Variants in BMAL2 observed in about 807,000 individuals in gnomAD.
The protein encoded by BMAL2 is basic helix-loop-helix ARNT like 2, also known as basic helix-loop-helix ARNT-like protein 2.
At chr12:27,334,252 A>G in the BMAL2 span, among the ~76,000 whole-genome samples, 674 of 152,288 alleles carry the variant, frequency 4.4e-3, 5 homozygotes, top group African/African-American at 0.015. Flanking sequence ...CCGTCTTGTG[A>G]CTGAGCTCTG....
chr12:27,370,336 C>A, the BMAL2 span: 1 of 787,706 alleles, frequency 1.3e-6, no homozygotes. Context: ...ATCATCTATC[C>A]CAGAGCTTCT....
At chr12:27,358,720 T>G in the BMAL2 span, among the ~76,000 whole-genome samples, 8 of 152,138 alleles carry the variant, frequency 5.3e-5, no homozygotes, top group African/African-American at 1.9e-4. Context: ...TCATTCTGTA[T>G]TTGGTTAATA....
At chr12:27,402,766 AT>A in the BMAL2 span, 1 of 1,228,114 alleles carries the variant, frequency 8.1e-7, no homozygotes, top group Non-Finnish European at 1.1e-6. Context: ...AGAGGGGAAA[AT>A]TTGAAGGTGA....
At chr12:27,363,445 A>G in the BMAL2 span, among the ~76,000 whole-genome samples, 1 of 152,228 alleles carries the variant, frequency 6.6e-6, no homozygotes, top group Non-Finnish European at 1.5e-5. Context: ...CCAGCAGAGC[A>G]TGAGCGTTTC....
At chr12:27,376,431 A>T in the BMAL2 span, 3 of 1,585,404 alleles carry the variant, frequency 1.9e-6, no homozygotes, top group Non-Finnish European at 2.6e-6. Flanking sequence ...GTGGAAAGGT[A>T]CACAAAGGCA....
the BMAL2 span, chr12:27,420,442 C>G: frequency 9.3e-6 from 15 of 1,613,758 alleles, no homozygotes; most frequent in African/African-American, 1.3e-5. Context: ...ACAATGATGA[C>G]ACAGCCATGG....
the BMAL2 span, among the ~76,000 whole-genome samples, chr12:27,358,436 T>A: frequency 6.6e-6 from 1 of 152,194 alleles, no homozygotes; most frequent in African/African-American, 2.4e-5. Flanking sequence ...ACTTTTACAC[T>A]GCTGGTGGGA....
At chr12:27,417,760 G>A in the BMAL2 span, among the ~76,000 whole-genome samples, 3 of 151,924 alleles carry the variant, frequency 2.0e-5, no homozygotes, top group Non-Finnish European at 2.9e-5. Context: ...TTGGGAGGCC[G>A]AGGCGGGCAG....
chr12:27,383,665 T>G, the BMAL2 span, among the ~76,000 whole-genome samples: 3 of 152,216 alleles, frequency 2.0e-5, no homozygotes, highest in African/African-American at 7.2e-5. Context: ...GTCATTATCT[T>G]GCTCAAAATC....
At chr12:27,409,248 A>G in the BMAL2 span, among the ~76,000 whole-genome samples, 1 of 152,232 alleles carries the variant, frequency 6.6e-6, no homozygotes, top group Non-Finnish European at 1.5e-5. Flanking sequence ...AAACTACTTT[A>G]AAGTTCGTAT....
At chr12:27,358,586 C>T in the BMAL2 span, among the ~76,000 whole-genome samples, 3 of 152,222 alleles carry the variant, frequency 2.0e-5, no homozygotes, top group East Asian at 3.9e-4. Flanking sequence ...ATAGTGTTCT[C>T]GAAGCCTAAA....
chr12:27,407,546 G>A, the BMAL2 span, among the ~76,000 whole-genome samples: 6 of 152,008 alleles, frequency 3.9e-5, no homozygotes, highest in African/African-American at 9.7e-5. Flanking sequence ...TGAAACCAAC[G>A]AGAACAAAGA....
At chr12:27,421,176 A>G in the BMAL2 span, 2 of 152,240 alleles carry the variant, frequency 1.3e-5, no homozygotes, top group Admixed American at 1.3e-4. Context: ...GAAAGTCAAA[A>G]GAGTTTCAGC....
At chr12:27,376,277 T>C in the BMAL2 span, 1 of 1,364,128 alleles carries the variant, frequency 7.3e-7, no homozygotes, top group East Asian at 2.3e-5. Flanking sequence ...ATCTCACATC[T>C]ATTTCTCTAT....
chr12:27,354,674 A>G, the BMAL2 span, among the ~76,000 whole-genome samples: 7 of 152,222 alleles, frequency 4.6e-5, no homozygotes, highest in Non-Finnish European at 5.9e-5. Context: ...TATAAAGTGT[A>G]TATGAAACAT....
At chr12:27,354,977 T>C in the BMAL2 span, among the ~76,000 whole-genome samples, 1 of 152,160 alleles carries the variant, frequency 6.6e-6, no homozygotes, top group Non-Finnish European at 1.5e-5. Context: ...AGTAGTAATA[T>C]GGTCAGCCCA....
At chr12:27,334,769 C>T in the BMAL2 span, among the ~76,000 whole-genome samples, 1 of 152,224 alleles carries the variant, frequency 6.6e-6, no homozygotes, top group African/African-American at 2.4e-5. Flanking sequence ...AGCAATGTTT[C>T]TGTGCGGGCT....
the BMAL2 span, among the ~76,000 whole-genome samples, chr12:27,344,405 A>G: frequency 1.3e-5 from 2 of 152,238 alleles, no homozygotes; most frequent in African/African-American, 4.8e-5. Context: ...AGGTTCAACC[A>G]GAAGAGCAGA....
At chr12:27,371,725 CACACACAT>C in the BMAL2 span, among the ~76,000 whole-genome samples, 22 of 103,862 alleles carry the variant, frequency 2.1e-4, no homozygotes, top group African/African-American at 8.7e-4. Flanking sequence ...TACACACACA[CACACACAT>C]ATATATATAA....
Sources: gnomAD v4.1 joint callset for allele counts (sites outside exome capture counted in the v4.1 genomes callset) on GRCh38, gnomAD v4.1.1 for gene constraint, MANE v1.5 for transcripts, NCBI Gene and HGNC (gene_info 2026-07-23, HGNC 2026-07-21) for gene names.